The following EPHB3 variants were observed in gnomAD, a reference collection of about 807,000 sequenced individuals.
EPHB3 encodes ephrin type-B receptor 3.
Under a neutral mutation model 100.2 loss-of-function variants are expected in EPHB3, and 33 were observed. The ratio of observed to expected loss-of-function variants is 0.33; its 90% CI spans 0.25 to 0.44. EPHB3 has a LOEUF of 0.44. Ranked by LOEUF, EPHB3 falls within the 20% of genes least tolerant of loss-of-function variation. The probability of loss-of-function intolerance (pLI) is 1.00; values close to 1 mark genes in which losing one functional copy is unlikely to be tolerated. For missense variants in EPHB3, 1,045 were observed against 1,378.3 expected, an observed-to-expected ratio of 0.76 and a Z score of 3.83; for synonymous variants, 526 against 554.7, an observed-to-expected ratio of 0.95 and a Z score of 0.73.
At chr3:184,564,546 GTTA>G (rs1288129986) in intron 1 of EPHB3, among the ~76,000 whole-genome samples, 3 of 152,238 alleles carry the variant, frequency 2.0e-5, no homozygotes, top group East Asian at 1.9e-4. Flanking sequence ...AGGATTAGCT[GTTA>G]TTATTATTGT....
chr3:184,579,422 G>T lies in EPHB3; in HGVS notation c.1802-55G>T, dbSNP rs557992212. On this transcript the variant is annotated intron_variant, in intron 9 of 15. Coordinates refer to ENST00000330394, the MANE Select transcript of EPHB3 (RefSeq NM_004443.4). This position sits in a 1 kb window ranked among gnomAD's most constrained non-coding sequence, Gnocchi z 5.2. ...GGAGCCTGCTGGAGCTGTGCCCATC[G>T]CAGGGAGAGGCTGGCTTGACGTTAC... 6.3e-7 allele frequency: 1 copy of T among 1,594,768 alleles called. No homozygotes were observed. The highest frequency in any genetic ancestry group is 1.1e-5 in the South Asian group (1 of 89,286).
Position 184,581,776 on chromosome 3 carries a change from T to G in EPHB3, c.*154T>G, listed in dbSNP as rs1013368942. On this transcript the variant is annotated 3_prime_UTR_variant, in exon 16 of 16. Coordinates refer to ENST00000330394, the MANE Select transcript of EPHB3 (RefSeq NM_004443.4). ...CCAAGCTGGGACTTCTCCAGGCCTGTGTTCCCTCCCCAGGAAGTGCGCCCC... is the reference window on the plus strand; with the variant it reads ...CCAAGCTGGGACTTCTCCAGGCCTGGGTTCCCTCCCCAGGAAGTGCGCCCC... 1.4e-6 allele frequency: 1 copy of G among 717,602 alleles called. No individual in the cohort carries two copies. The highest frequency in any genetic ancestry group is 1.8e-5 in the African/African-American group (1 of 56,044). 44.5% of individuals were successfully genotyped at this position (717,602 alleles called of 1,614,324 possible). A position where few individuals can be genotyped will look rare whatever the true frequency, so the allele number is the denominator to read the frequency against.
rs577684335 is a variant in EPHB3, at chr3:184,572,986, C to G, written c.666C>G (p.Phe222Leu). ...CASTTAGFAL[F>L]PETLTGAEPT... ...CCACCACCGCAGGCTTCGCACTCTTCCCCGAGACCCTCACTGGGGCGGAGC... is the reference window on the plus strand; with the variant it reads ...CCACCACCGCAGGCTTCGCACTCTTGCCCGAGACCCTCACTGGGGCGGAGC... Residue 222 changes from phenylalanine to leucine, a missense_variant, in exon 3 of 16, where the codon TTC becomes TTG. Around this residue, in one of 2 missense-constraint regions of EPHB3, gnomAD observed 985 missense variants for 1,331.1 expected, o/e 0.74. Coordinates refer to ENST00000330394, the MANE Select transcript of EPHB3 (RefSeq NM_004443.4). This position sits in a 1 kb window ranked among gnomAD's most constrained non-coding sequence, Gnocchi z 6.6. 1.2e-6 allele frequency: 2 copies of G among 1,607,598 alleles called. No homozygotes were observed. The highest frequency in any genetic ancestry group is 1.7e-6 in the Non-Finnish European group (2 of 1,176,570).
intron 1 of EPHB3, among the ~76,000 whole-genome samples, chr3:184,566,922 TG>T (rs1714399002): frequency 6.6e-6 from 1 of 152,210 alleles, no homozygotes; most frequent in Non-Finnish European, 1.5e-5. Flanking sequence ...CAGGGTGCTA[TG>T]GGGCCTGGCC....
Position 184,578,220 on chromosome 3 carries a change from CA to C in EPHB3, c.1749-193del, listed in dbSNP as rs2108439245. ...ATACCCCATTCCCTGAATCTCCGGG[CA>C]GGTTCCCTAGGGACTGAGTCCACTG... is the stretch of plus-strand genomic sequence containing the variant. On this transcript the variant is annotated intron_variant, in intron 8 of 15. Transcript: ENST00000330394. This position sits in a 1 kb window ranked among gnomAD's most constrained non-coding sequence, Gnocchi z 4.7. The C allele has an allele frequency of 1.1e-6, 1 of 892,620 alleles. No individual in the cohort carries two copies. The highest frequency in any genetic ancestry group is 1.7e-6 in the Non-Finnish European group (1 of 594,674). 55.3% of individuals were successfully genotyped at this position (892,620 alleles called of 1,614,324 possible).
chr3:184,576,394 G>A (rs1714678370), intron 4 of EPHB3, among the ~76,000 whole-genome samples: 1 of 152,216 alleles, frequency 6.6e-6, no homozygotes, highest in Non-Finnish European at 1.5e-5. Context: ...CATCCTGAGG[G>A]TGGCCTGGTG....
rs773179345 is a variant in EPHB3, at chr3:184,579,955, C to T, written c.2172+21C>T. 1.8e-5 allele frequency: 29 copies of T among 1,605,414 alleles called. No homozygotes were observed. The highest frequency in any genetic ancestry group is 3.4e-4 in the Middle Eastern group (2 of 5,878). On this transcript the variant is annotated intron_variant, in intron 11 of 15. Transcript: ENST00000330394. The surrounding 1 kb of genome is among the most constrained non-coding windows in gnomAD (Gnocchi z 5.2). Reference sequence around the variant, plus strand: ...TCCGGGTAAGAGCCAGCCCCCAGGCCCTCTCCCTCCCCCAGAGAGTTGGAT... The same window carrying T: ...TCCGGGTAAGAGCCAGCCCCCAGGCTCTCTCCCTCCCCCAGAGAGTTGGAT...
chr3:184,575,210 T>C, intron 3 of EPHB3: 1 of 985,394 alleles, frequency 1.0e-6, no homozygotes, highest in Non-Finnish European at 1.2e-6. Context: ...GTGAGTCCCC[T>C]TGTGGACACT....
At chr3:184,567,454 T>A (rs1177268457) in intron 1 of EPHB3, among the ~76,000 whole-genome samples, 1 of 151,474 alleles carries the variant, frequency 6.6e-6, no homozygotes, top group African/African-American at 2.4e-5. Context: ...CTGGAAGACA[T>A]CCCATAAACA....
rs993893868 is a variant in EPHB3 at position 184,576,089 on chromosome 3, A to G, written c.1012+104A>G. The G allele has an allele frequency of 2.8e-6, 4 of 1,427,832 alleles. No individual in the cohort carries two copies. In the African/African-American group the frequency reaches 5.8e-5, roughly 21 times the overall value. 88.4% of individuals were successfully genotyped at this position (1,427,832 alleles called of 1,614,324 possible). The stretch of plus-strand genomic sequence containing the variant: ...TATGAATAGCCCCATTTTCCAGGGA[A>G]GGAGCTGAGGCTCAGGGAAGTTAGA... On this transcript the variant is annotated intron_variant, in intron 4 of 15. Transcript: ENST00000330394.
chr3:184,577,449 G>C lies in EPHB3; in HGVS notation c.1461G>C (p.Glu487Asp). 6.2e-7 allele frequency: 1 copy of C among 1,614,046 alleles called. No individual in the cohort carries two copies. Among genetic ancestry groups the C allele is most frequent in the Non-Finnish European group, 8.5e-7 (1 of 1,179,982 alleles). ...CCAACGGAGTCATCCTGGACTACGA[G>C]ATGAAGTACTTTGAGAAGGTCAGAA... is the stretch of plus-strand genomic sequence containing the variant. Reference protein sequence around the residue: ...ERPNGVILDYEMKYFEKSEGI... With the variant: ...ERPNGVILDYDMKYFEKSEGI... The change falls in exon 6 of 16, where the codon GAG becomes GAC. Residue 487 changes from glutamate to aspartate, a missense_variant. By Grantham distance (45) the Glu-to-Asp change is conservative (BLOSUM62 2). Around this residue, in one of 2 missense-constraint regions of EPHB3, gnomAD observed 985 missense variants for 1,331.1 expected, o/e 0.74. Transcript: ENST00000330394. This position sits in a 1 kb window ranked among gnomAD's most constrained non-coding sequence, Gnocchi z 4.9.
At position 184,577,684 on chromosome 3, in the gene EPHB3, C is replaced by A. The variant is rs773946141; in HGVS notation, c.1506C>A (p.Thr502=). Residue 502 remains threonine (T), a synonymous_variant, in exon 7 of 16, where the codon ACC becomes ACA. Transcript: ENST00000330394. This position sits in a 1 kb window ranked among gnomAD's most constrained non-coding sequence, Gnocchi z 4.9. The stretch of plus-strand genomic sequence containing the variant: ...GCGAGGGCATCGCCTCCACAGTGAC[C>A]AGCCAGATGAACTCCGTGCAGCTGG... The part of the protein sequence containing the change: ...EKSEGIASTV[T]SQMNSVQLDG... The A allele has an allele frequency of 6.2e-7, 1 of 1,607,558 alleles. No individual in the cohort carries two copies.
rs547112510 is a variant in EPHB3 at position 184,571,155 on chromosome 3, T to C, written c.119-163T>C. On this transcript the variant is annotated intron_variant, in intron 1 of 15. Coordinates refer to ENST00000330394, the MANE Select transcript of EPHB3 (RefSeq NM_004443.4). The surrounding 1 kb of genome is among the most constrained non-coding windows in gnomAD (Gnocchi z 5.0). Reference sequence around the variant, plus strand: ...TTTTAGTAGAGATGGGGTTTCAACATGTTGGTCAGACTGATCTCAAACTCC... The same window carrying C: ...TTTTAGTAGAGATGGGGTTTCAACACGTTGGTCAGACTGATCTCAAACTCC... Among the ~76,000 whole-genome samples the C allele has an allele frequency of 1.8e-3, 274 of 152,156 alleles. 2 individuals carry two copies. The highest frequency in any genetic ancestry group is 7.3e-3 in the South Asian group (35 of 4,820).
chr3:184,562,323 C>A lies in EPHB3; in HGVS notation c.88C>A (p.Leu30Met). ...TCCGCTGCTGCTGCTGCCGCTGCTG[C>A]TGCTGCCCGCCGGCTGCCGGGCGCT... is the stretch of plus-strand genomic sequence containing the variant. ...LPPLLLLPLL[L>M]LPAGCRALEE... The change falls in exon 1 of 16, where the codon CTG (leucine) becomes ATG (methionine). Residue 30 changes from leucine to methionine, a missense_variant. Physicochemically the swap from Leu to Met is conservative, Grantham distance 15 (BLOSUM62 2). Transcript: ENST00000330394. This position sits in a 1 kb window ranked among gnomAD's most constrained non-coding sequence, Gnocchi z 4.8. 8.0e-7 allele frequency: 1 copy of A among 1,247,124 alleles called. No homozygotes were observed. The highest frequency in any genetic ancestry group is 1.0e-6 in the Non-Finnish European group (1 of 996,554). 77.3% of individuals were successfully genotyped at this position (1,247,124 alleles called of 1,614,324 possible).
In EPHB3 at chr3:184,562,666, G is replaced by A. The variant is rs1181601665; in HGVS notation, c.118+313G>A. 1.3e-5 allele frequency among the ~76,000 whole-genome samples: 2 copies of A among 151,988 alleles called. No individual in the cohort carries two copies. The highest frequency in any genetic ancestry group is 4.8e-5 in the African/African-American group (2 of 41,388). ...CCCACACTCACGGCAGAGAAGTGGGGCTCCCGGCACCCCCCGAAGTCGAGG... is the reference window on the plus strand; with the variant it reads ...CCCACACTCACGGCAGAGAAGTGGGACTCCCGGCACCCCCCGAAGTCGAGG... On this transcript the variant is annotated intron_variant, in intron 1 of 15. Transcript: ENST00000330394. The surrounding 1 kb of genome is among the most constrained non-coding windows in gnomAD (Gnocchi z 4.8).
Position 184,577,159 on chromosome 3 carries a change from G to T in EPHB3, c.1330G>T (p.Val444Leu), listed in dbSNP as rs753545856. Residue 444 changes from valine to leucine, a missense_variant, in exon 5 of 16, where the codon GTG (valine) becomes TTG (leucine). Transcript: ENST00000330394. This position sits in a 1 kb window ranked among gnomAD's most constrained non-coding sequence, Gnocchi z 4.9. ...KSPLPPRYAA[V>L]NITTNQAAPS... ...CCCTCTGCCGCCTCGTTATGCGGCC[G>T]TGAATATCACCACAAACCAGGCTGG... is the stretch of plus-strand genomic sequence containing the variant. The T allele has an allele frequency of 6.2e-7, 1 of 1,603,932 alleles. No individual in the cohort carries two copies. Among genetic ancestry groups the T allele is most frequent in the Admixed American group, 1.7e-5 (1 of 59,484 alleles).
rs998070528 is a variant in EPHB3, at chr3:184,579,196, G to A, written c.1802-281G>A. 6.6e-6 allele frequency among the ~76,000 whole-genome samples: 1 copy of A among 152,200 alleles called. No homozygotes were observed. The highest frequency in any genetic ancestry group is 1.5e-5 in the Non-Finnish European group (1 of 68,032). ...CTGGGAGGCTATTGGAATAGTGTGA[G>A]TGTTGAAGGCCTGGACAAGGTCGGG... On this transcript the variant is annotated intron_variant, in intron 9 of 15. Coordinates refer to ENST00000330394, the MANE Select transcript of EPHB3 (RefSeq NM_004443.4). The surrounding 1 kb of genome is among the most constrained non-coding windows in gnomAD (Gnocchi z 5.2).
chr3:184,580,426 A>G lies in EPHB3; in HGVS notation c.2197A>G (p.Ile733Val). The G allele has an allele frequency of 1.2e-6, 2 of 1,614,208 alleles. No homozygotes were observed. Among genetic ancestry groups the G allele is most frequent in the Non-Finnish European group, 1.7e-6 (2 of 1,180,016 alleles). ...GCTCAACGATGGGCAGTTCACGGTC[A>G]TCCAGCTGGTGGGCATGTTGCGGGG... is the stretch of plus-strand genomic sequence containing the variant. ...LRLNDGQFTV[I>V]QLVGMLRGIA... Residue 733 changes from isoleucine (I) to valine (V), a missense_variant, in exon 12 of 16, where the codon ATC (isoleucine) becomes GTC (valine). By Grantham distance (29) the Ile-to-Val change is conservative. Coordinates refer to ENST00000330394, the MANE Select transcript of EPHB3 (RefSeq NM_004443.4).
At chr3:184,564,716 A>G (rs1008059695) in intron 1 of EPHB3, among the ~76,000 whole-genome samples, 1 of 152,080 alleles carries the variant, frequency 6.6e-6, no homozygotes, top group Non-Finnish European at 1.5e-5. Context: ...GCAGCTCCAG[A>G]GAGGGAAGGA....
Sources: allele counts gnomAD v4.1 joint callset (sites outside exome capture counted in the v4.1 genomes callset), GRCh38; gene constraint gnomAD v4.1.1; regional missense constraint gnomAD v4.1.1; non-coding constraint Gnocchi (gnomAD v3.1); transcripts MANE v1.5; gene names NCBI Gene and HGNC (gene_info 2026-07-23, HGNC 2026-07-21).